NUP133: variants seen among roughly 807,000 people sequenced by gnomAD.
The protein encoded by NUP133 is nucleoporin 133.
Under a neutral mutation model 146.2 loss-of-function variants are expected in NUP133, and 66 were observed. That is an observed-to-expected ratio of 0.45 (90% CI 0.37 to 0.55). The LOEUF (loss-of-function observed/expected upper bound fraction) is 0.55. Among genes scored for constraint, NUP133 ranks in the 20% least tolerant of loss-of-function variants. The pLI, the probability that NUP133 is intolerant of heterozygous loss-of-function variation, is 0.00. For missense variants in NUP133, 1,277 were observed against 1,374.8 expected (o/e 0.93, Z 1.12); for synonymous variants, 521 against 498.8 (o/e 1.04, Z -0.59).
At chr1:229,469,550 C>T (rs1455128561) in intron 15 of NUP133, among the ~76,000 whole-genome samples, 1 of 152,146 alleles carries the variant, frequency 6.6e-6, no homozygotes, top group African/African-American at 2.4e-5. Context: ...TGGGGCAGCA[C>T]CCTAGGATGA....
At chr1:229,464,601 C>G (rs1166292401) in intron 18 of NUP133, 23 bp downstream of exon 18, 1 of 1,609,448 alleles carries the variant, frequency 6.2e-7, no homozygotes, top group South Asian at 1.1e-5. Flanking sequence ...ATTTAAAACT[C>G]TTGCCAAGTA....
intron 21 of NUP133, among the ~76,000 whole-genome samples, chr1:229,454,603 C>T (rs957616154): frequency 1.3e-5 from 2 of 152,134 alleles, no homozygotes; most frequent in Admixed American, 1.3e-4. Context: ...CTATCCCCTC[C>T]GATTAGACAC....
intron 12 of NUP133, 67 bp downstream of exon 12, chr1:229,483,987 G>C: frequency 1.8e-6 from 2 of 1,116,118 alleles, no homozygotes; most frequent in South Asian, 2.7e-5. Context: ...CAGTCAATAA[G>C]TAGCACATGT....
At chr1:229,505,075 G>T (rs187161742) in intron 2 of NUP133, among the ~76,000 whole-genome samples, 5 of 152,140 alleles carry the variant, frequency 3.3e-5, no homozygotes, top group African/African-American at 9.7e-5. Context: ...ATCAGCTATC[G>T]TAAGTGTATT....
intron 9 of NUP133, among the ~76,000 whole-genome samples, chr1:229,489,737 G>A (rs1387228371): frequency 6.6e-6 from 1 of 152,190 alleles, no homozygotes; most frequent in Non-Finnish European, 1.5e-5. Flanking sequence ...TGGGCATGGT[G>A]GCACATGCCT....
chr1:229,457,883 G>A (rs939974823), intron 21 of NUP133, among the ~76,000 whole-genome samples: 25 of 152,142 alleles, frequency 1.6e-4, no homozygotes, highest in East Asian at 5.8e-4. Context: ...TTTTGCCCTT[G>A]GAATATTTAT....
In NUP133 at chr1:229,450,625, G is replaced by T; in HGVS notation, c.3100-20C>A. On this transcript the variant is annotated intron_variant, in intron 22 of 25. Coordinates refer to ENST00000261396, the MANE Select transcript of NUP133 (RefSeq NM_018230.3). ...ATATAGCTATGACAAGTTAAAATAA[G>T]GTAGAAGATTATACAATCATGTAAC... The T allele has an allele frequency of 7.8e-7, 1 of 1,283,090 alleles. No individual in the cohort carries two copies. The highest frequency in any genetic ancestry group is 1.3e-5 in the South Asian group (1 of 76,666). 79.5% of individuals were successfully genotyped at this position (1,283,090 alleles called of 1,614,324 possible). A position where few individuals can be genotyped will look rare whatever the true frequency, so the allele number is the denominator to read the frequency against.
chr1:229,446,752 TAATAAAA>T (rs1660311518), intron 24 of NUP133, among the ~76,000 whole-genome samples: 1 of 149,890 alleles, frequency 6.7e-6, no homozygotes, highest in African/African-American at 2.5e-5. Context: ...AATTTTTTTT[TAATAAAA>T]AATAAAAATA....
At chr1:229,468,011 C>A (rs971221700) in intron 15 of NUP133, among the ~76,000 whole-genome samples, 7 of 151,800 alleles carry the variant, frequency 4.6e-5, no homozygotes, top group African/African-American at 1.7e-4. Flanking sequence ...TTGTTAAATT[C>A]TCTTATCATG....
At chr1:229,457,179 T>C (rs1156547203) in intron 21 of NUP133, among the ~76,000 whole-genome samples, 2 of 152,150 alleles carry the variant, frequency 1.3e-5, no homozygotes, top group Non-Finnish European at 2.9e-5. Flanking sequence ...TGGGGTACAA[T>C]GTGATGCTTC....
At chr1:229,477,818 C>T in intron 12 of NUP133, 58 bp from the exon 13 acceptor site, 2 of 1,372,596 alleles carry the variant, frequency 1.5e-6, no homozygotes, top group South Asian at 2.9e-5. Context: ...TCAAAACTCA[C>T]CAAGAAAAAA....
chr1:229,472,701 A>AATATATATATAT (rs762131305), intron 14 of NUP133, among the ~76,000 whole-genome samples: 2 of 103,154 alleles, frequency 1.9e-5, no homozygotes, highest in Admixed American at 9.3e-5. Flanking sequence ...TAAAAAACTA[A>AATATATATATAT]ATATACATAT....
chr1:229,441,178 T>C lies in NUP133; in HGVS notation c.*726A>G. The C allele has an allele frequency of 8.9e-6, 3 of 335,984 alleles. No individual in the cohort carries two copies. Among genetic ancestry groups the C allele is most frequent in the South Asian group, 4.9e-5 (2 of 40,816 alleles). 20.8% of individuals were successfully genotyped at this position (335,984 alleles called of 1,614,324 possible). A position where few individuals can be genotyped will look rare whatever the true frequency, so the allele number is the denominator to read the frequency against. ...CTAGGCAGACTGTGGTAAAGATTCA[T>C]GAGTCATTCTGAAAATACATGAGGC... On this transcript the variant is annotated 3_prime_UTR_variant, in exon 26 of 26. Transcript: ENST00000261396.
At position 229,458,289 on chromosome 1, in the gene NUP133, G is replaced by A. The variant is rs767331134; in HGVS notation, c.2852C>T (p.Ala951Val). The stretch of plus-strand genomic sequence containing the variant: ...CATATTTGCCAAACCCAGAAGTGTT[G>A]CATGAGCCTACAATAAAATATGCAA... ...INSQELEKAH[A>V]TLLGLANMET... The change falls in exon 21 of 26, where the codon GCA (alanine) becomes GTA (valine). Residue 951 changes from alanine (A) to valine (V), a missense_variant. Around this residue, in one of 3 missense-constraint regions of NUP133, gnomAD observed 952 missense variants for 1,047.0 expected, o/e 0.91. Coordinates refer to ENST00000261396, the MANE Select transcript of NUP133 (RefSeq NM_018230.3). 1.4e-5 allele frequency: 22 copies of A among 1,612,028 alleles called. No individual in the cohort carries two copies. The Middle Eastern group carries it at 4.9e-4, about 36-fold the overall frequency.
intron 12 of NUP133, among the ~76,000 whole-genome samples, chr1:229,482,978 G>T (rs1661254953): frequency 6.6e-6 from 1 of 152,198 alleles, no homozygotes; most frequent in Admixed American, 6.5e-5. Context: ...ACTCCGAAAA[G>T]TAAAACTGCC....
chr1:229,506,629 C>A (rs939001437), intron 1 of NUP133, among the ~76,000 whole-genome samples: 1 of 151,518 alleles, frequency 6.6e-6, no homozygotes, highest in East Asian at 1.9e-4. Flanking sequence ...CAGACCTGGC[C>A]GGAGCAGTGG....
chr1:229,470,821 C>T lies in NUP133; in HGVS notation c.1852-17G>A. On this transcript the variant is annotated splice_polypyrimidine_tract_variant and intron_variant, in intron 14 of 25. Transcript: ENST00000261396. ...TAAGCCAACCTTGCAAAAAGGCAAA[C>T]ACATATTCTCAGAAAGCAATTATGG... 1 of 1,606,160 alleles carries T rather than the reference C, an allele frequency of 6.2e-7. No individual in the cohort carries two copies. Among genetic ancestry groups the T allele is most frequent in the Non-Finnish European group, 8.5e-7 (1 of 1,173,890 alleles).
At chr1:229,490,603 G>C (rs1661486501) in intron 8 of NUP133, among the ~76,000 whole-genome samples, 1 of 152,076 alleles carries the variant, frequency 6.6e-6, no homozygotes, top group African/African-American at 2.4e-5. Context: ...GGGAATTTGG[G>C]GGGTTATAAA....
rs560974585 is a variant in NUP133 at position 229,489,591 on chromosome 1, C to A, written c.1194+364G>T. ...TCACGAAATTTGACCCTGAAATGGG[C>A]CACGCAAGGTGGCTCACACCTGTAA... is the stretch of plus-strand genomic sequence containing the variant. On this transcript the variant is annotated intron_variant, in intron 9 of 25. Transcript: ENST00000261396. Among the ~76,000 whole-genome samples, 7 of 152,344 alleles carry A rather than the reference C, an allele frequency of 4.6e-5. No individual in the cohort carries two copies. In the South Asian group the frequency reaches 1.5e-3, roughly 32 times the overall value.
Sources: gnomAD v4.1 joint callset for allele counts (sites outside exome capture counted in the v4.1 genomes callset) on GRCh38, gnomAD v4.1.1 for gene constraint, gnomAD v4.1.1 regional missense constraint, MANE v1.5 for transcripts, NCBI Gene and HGNC (gene_info 2026-07-23, HGNC 2026-07-21) for gene names.